The following KDSR variants were observed in gnomAD, a reference collection of about 807,000 sequenced individuals.
KDSR encodes 3-ketodihydrosphingosine reductase, also known as 3-dehydrosphinganine reductase.
Under a neutral mutation model 41.3 loss-of-function variants are expected in KDSR, and 23 were observed. The observed-to-expected ratio is 0.56, with a 90% confidence interval of 0.40 to 0.79. The LOEUF (loss-of-function observed/expected upper bound fraction) is 0.79, where lower values mean the gene tolerates loss of function less well. KDSR is among the 30% of genes least tolerant of loss of function. The pLI is 0.00. For synonymous variants in KDSR, 138 were observed against 151.7 expected (o/e 0.91, Z 0.66); for missense variants, 351 against 416.8 (o/e 0.84, Z 1.37).
chr18:63,356,808 C>T lies in KDSR; in HGVS notation c.256-1245G>A, dbSNP rs150181867. On this transcript the variant is annotated intron_variant, in intron 3 of 9. Transcript: ENST00000645214. The stretch of plus-strand genomic sequence containing the variant: ...TCGTCTATCAGATATTACAGGAATA[C>T]GGGAAAAAACGGGGCAATTTACAGA... Among the ~76,000 whole-genome samples the T allele has an allele frequency of 3.2e-3, 494 of 152,210 alleles. 2 individuals are homozygous for T. The highest frequency in any genetic ancestry group is 7.3e-3 in the Admixed American group (112 of 15,300).
chr18:63,338,820 G>T lies in KDSR; in HGVS notation c.757C>A (p.Gln253Lys). 1 of 1,608,884 alleles carries T rather than the reference G, an allele frequency of 6.2e-7. No homozygotes were observed. Reference protein sequence around the residue: ...SVCKPEQVAKQIVKDAIQGNF... With the variant: ...SVCKPEQVAKKIVKDAIQGNF... ...CTTACTATGGCATCTTTAACAATTT[G>T]TTTGGCCACCTGTTCTGGTTTGCAC... The change falls in exon 8 of 10, where the codon CAA (glutamine) becomes AAA (lysine). Residue 253 changes from glutamine to lysine, a missense_variant. By Grantham distance (53) the Gln-to-Lys change is moderately conservative (BLOSUM62 1). Coordinates refer to ENST00000645214, the MANE Select transcript of KDSR (RefSeq NM_002035.4).
intron 1 of KDSR, among the ~76,000 whole-genome samples, chr18:63,365,710 T>G (rs1480424620): frequency 6.6e-6 from 1 of 152,230 alleles, no homozygotes; most frequent in Non-Finnish European, 1.5e-5. Context: ...AAACTCAAGC[T>G]CTGAAAGGAT....
rs960041487 is a variant in KDSR, at chr18:63,328,946, C to T, written c.*2836G>A. On this transcript the variant is annotated 3_prime_UTR_variant, in exon 10 of 10. Transcript: ENST00000645214. ...ACATTTAAACTGAATGATAATTAAACGTTTACTACCATAGGTAATATTTAC... is the reference window on the plus strand; with the variant it reads ...ACATTTAAACTGAATGATAATTAAATGTTTACTACCATAGGTAATATTTAC... The T allele has an allele frequency of 1.6e-5, 3 of 192,202 alleles. No homozygotes were observed. The highest frequency in any genetic ancestry group is 2.3e-5 in the African/African-American group (1 of 42,984). The allele number at this position is 192,202 out of a possible 1,614,324, so 11.9% of individuals were successfully genotyped here. A position where few individuals can be genotyped will look rare whatever the true frequency, so the allele number is the denominator to read the frequency against.
chr18:63,353,079 G>A (rs1914700163), intron 5 of KDSR, among the ~76,000 whole-genome samples: 1 of 151,832 alleles, frequency 6.6e-6, no homozygotes, highest in African/African-American at 2.4e-5. Flanking sequence ...TACTCGGGAG[G>A]CTGAGGCAGG....
At chr18:63,355,429 A>C in intron 4 of KDSR, 69 bp downstream of exon 4, 1 of 1,611,858 alleles carries the variant, frequency 6.2e-7, no homozygotes, top group Non-Finnish European at 8.5e-7. Context: ...TCCAAGCCAC[A>C]TAGCAAAATG....
chr18:63,338,166 G>A (rs1017717117), intron 8 of KDSR, among the ~76,000 whole-genome samples: 1 of 152,182 alleles, frequency 6.6e-6, no homozygotes, highest in African/African-American at 2.4e-5. Flanking sequence ...TCCACCATGT[G>A]CTGACACCTC....
chr18:63,334,503 AC>A (rs752362908), intron 9 of KDSR, among the ~76,000 whole-genome samples: 32 of 152,296 alleles, frequency 2.1e-4, no homozygotes, highest in Non-Finnish European at 4.6e-4. Flanking sequence ...GGCGTCCGCC[AC>A]CATGCCCAGC....
In KDSR at chr18:63,356,578, AG is replaced by A. The variant is rs2061098176; in HGVS notation, c.256-1016del. 2.0e-5 allele frequency among the ~76,000 whole-genome samples: 3 copies of A among 152,238 alleles called. No individual in the cohort carries two copies. The South Asian group carries it at 6.2e-4, about 31-fold the overall frequency. On this transcript the variant is annotated intron_variant, in intron 3 of 9. Transcript: ENST00000645214. ...GTCCCTAGAAGCCTGGCAGGGCAGAAGGATCAAGCTCATTCTCGCCTGCCCC... is the reference window on the plus strand; with the variant it reads ...GTCCCTAGAAGCCTGGCAGGGCAGAAGATCAAGCTCATTCTCGCCTGCCCC...
Position 63,351,209 on chromosome 18 carries a change from G to C in KDSR, c.418-130C>G, listed in dbSNP as rs558689966. ...GACTGGGAAGCCCAACAGGCTTGCTGAATGAATGAATGATGACATGATGAT... is the reference window on the plus strand; with the variant it reads ...GACTGGGAAGCCCAACAGGCTTGCTCAATGAATGAATGATGACATGATGAT... On this transcript the variant is annotated intron_variant, in intron 5 of 9. Coordinates refer to ENST00000645214, the MANE Select transcript of KDSR (RefSeq NM_002035.4). 18 of 625,648 alleles carry C rather than the reference G, an allele frequency of 2.9e-5. No individual in the cohort carries two copies. The East Asian group carries it at 5.0e-4, about 18-fold the overall frequency. 38.8% of individuals were successfully genotyped at this position (625,648 alleles called of 1,614,324 possible). A position where few individuals can be genotyped will look rare whatever the true frequency, so the allele number is the denominator to read the frequency against.
intron 1 of KDSR, among the ~76,000 whole-genome samples, chr18:63,365,595 G>A (rs1429993126): frequency 6.6e-6 from 1 of 152,218 alleles, no homozygotes; most frequent in Non-Finnish European, 1.5e-5. Flanking sequence ...CCGCGGGATG[G>A]GGCTGGAAGG....
intron 8 of KDSR, chr18:63,335,984 A>T (rs1914144426): frequency 6.6e-6 from 1 of 152,280 alleles, no homozygotes; most frequent in African/African-American, 2.4e-5. Flanking sequence ...GCAGCTCCTG[A>T]AGTCAAGGGC....
intron 9 of KDSR, among the ~76,000 whole-genome samples, chr18:63,332,923 C>T (rs1016022354): frequency 1.1e-4 from 17 of 150,558 alleles, no homozygotes; most frequent in Middle Eastern, 3.5e-3. Flanking sequence ...TTGGATCTTC[C>T]GGAAAAAACA....
intron 8 of KDSR, among the ~76,000 whole-genome samples, chr18:63,337,101 T>TATAC (rs1568275955): frequency 2.3e-5 from 1 of 43,302 alleles, no homozygotes; most frequent in African/African-American, 5.9e-5. Context: ...ACTTTATATA[T>TATAC]ATATATATGT....
chr18:63,365,452 G>A (rs908240991), intron 1 of KDSR, among the ~76,000 whole-genome samples: 3 of 152,184 alleles, frequency 2.0e-5, no homozygotes, highest in African/African-American at 7.2e-5. Flanking sequence ...GACACCATGT[G>A]AACTATTCAT....
chr18:63,358,996 T>C (rs1018425904), intron 3 of KDSR, among the ~76,000 whole-genome samples: 2 of 150,032 alleles, frequency 1.3e-5, no homozygotes, highest in African/African-American at 4.9e-5. Context: ...CTGGGCAACA[T>C]GGCGAAACCC....
chr18:63,340,668 G>T (rs569818886), intron 7 of KDSR, among the ~76,000 whole-genome samples: 1 of 152,304 alleles, frequency 6.6e-6, no homozygotes, highest in African/African-American at 2.4e-5. Context: ...TTATATAAAA[G>T]ATATGTCTGT....
Position 63,359,722 on chromosome 18 carries a change from A to T in KDSR, c.255+14T>A. ...GAGTTATACAGAAAATGCATTCTGA[A>T]GACAGAGATTTACCTGTTTGTCATT... is the stretch of plus-strand genomic sequence containing the variant. On this transcript the variant is annotated intron_variant, in intron 3 of 9. Coordinates refer to ENST00000645214, the MANE Select transcript of KDSR (RefSeq NM_002035.4). The T allele has an allele frequency of 6.4e-7, 1 of 1,557,404 alleles. No individual in the cohort carries two copies. Among genetic ancestry groups the T allele is most frequent in the Non-Finnish European group, 8.8e-7 (1 of 1,130,122 alleles).
chr18:63,367,142 G>A lies in KDSR; in HGVS notation c.-24C>T, dbSNP rs1255485752. 2.4e-6 allele frequency: 3 copies of A among 1,260,620 alleles called. No individual in the cohort carries two copies. The highest frequency in any genetic ancestry group is 3.0e-6 in the Non-Finnish European group (3 of 989,868). The allele number at this position is 1,260,620 out of a possible 1,614,324, so 78.1% of individuals were successfully genotyped here. On this transcript the variant is annotated 5_prime_UTR_variant, in exon 1 of 10. Coordinates refer to ENST00000645214, the MANE Select transcript of KDSR (RefSeq NM_002035.4). ...ATCGCTCCGCGGGGCCAGGGGCCCG[G>A]AGCGGCCGGGCGGGGGCCGCCGGGC... is the stretch of plus-strand genomic sequence containing the variant.
intron 5 of KDSR, among the ~76,000 whole-genome samples, chr18:63,353,334 A>G (rs1914709730): frequency 6.6e-6 from 1 of 152,236 alleles, no homozygotes. Flanking sequence ...AAATAAGAAT[A>G]AAAATAACAG....
Sources: allele counts gnomAD v4.1 joint callset (sites outside exome capture counted in the v4.1 genomes callset), GRCh38; gene constraint gnomAD v4.1.1; transcripts MANE v1.5; gene names NCBI Gene and HGNC (gene_info 2026-07-23, HGNC 2026-07-21).